The following TMEM177 variants were observed in gnomAD, a reference collection of about 807,000 sequenced individuals.
TMEM177 encodes transmembrane protein 177.
Under a neutral mutation model 14.2 loss-of-function variants are expected in TMEM177, and 4 were observed. That is an observed-to-expected ratio of 0.28 (90% CI 0.14 to 0.64). The LOEUF is 0.64. Among genes scored for constraint, TMEM177 ranks in the 30% least tolerant of loss-of-function variants. The pLI is 0.82. For missense variants in TMEM177, 344 were observed against 405.2 expected (o/e 0.85, Z 1.30); for synonymous variants, 179 against 174.5 (o/e 1.03, Z -0.20).
the TMEM177 span, among the ~76,000 whole-genome samples, chr2:119,716,370 G>A: frequency 6.6e-6 from 1 of 152,234 alleles, no homozygotes; most frequent in Admixed American, 6.5e-5. Context: ...AGCCTCTGCA[G>A]TGAAAGATTA....
the TMEM177 span, among the ~76,000 whole-genome samples, chr2:119,711,639 A>C: frequency 3.9e-5 from 6 of 152,226 alleles, no homozygotes; most frequent in African/African-American, 1.4e-4. Flanking sequence ...CCCTAACTAA[A>C]AGCCACCTTT....
Position 119,681,776 on chromosome 2 carries a change from C to T in TMEM177, c.923C>T (p.Pro308Leu), listed in dbSNP as rs141502762. ...VLQMWRGMLNPGRS is the reference protein window; with the variant it reads ...VLQMWRGMLNLGRS The stretch of plus-strand genomic sequence containing the variant: ...CAGATGTGGAGGGGGATGCTCAATC[C>T]GGGCCGCTCCTGATGGGCTCATCAC... Residue 308 changes from proline (P) to leucine (L), a missense_variant, in exon 2 of 2, where the codon CCG becomes CTG. Transcript: ENST00000272521. 198 of 1,612,852 alleles carry T rather than the reference C, an allele frequency of 1.2e-4. No individual in the cohort carries two copies. The highest frequency in any genetic ancestry group is 1.5e-4 in the African/African-American group (11 of 75,032).
At chr2:119,711,308 A>G in the TMEM177 span, among the ~76,000 whole-genome samples, 411 of 152,326 alleles carry the variant, frequency 2.7e-3, 9 homozygotes, top group Admixed American at 0.021. Context: ...AAAAAATAGA[A>G]TCATTTCATG....
chr2:119,688,276 G>A (rs1330112140), downstream of TMEM177, among the ~76,000 whole-genome samples: 1 of 152,204 alleles, frequency 6.6e-6, no homozygotes, highest in Non-Finnish European at 1.5e-5. Context: ...TAAAGTAGTT[G>A]TGTTATAGGG....
chr2:119,697,508 C>T, the TMEM177 span, among the ~76,000 whole-genome samples: 16 of 152,180 alleles, frequency 1.1e-4, no homozygotes, highest in Admixed American at 2.0e-4. Flanking sequence ...GAGATGGAGC[C>T]ACTGCACTCC....
At chr2:119,701,622 A>G in the TMEM177 span, among the ~76,000 whole-genome samples, 7 of 152,214 alleles carry the variant, frequency 4.6e-5, no homozygotes, top group African/African-American at 7.2e-5. Context: ...TAACCGCCCA[A>G]TGGGTTCACC....
chr2:119,692,455 C>A, the TMEM177 span, among the ~76,000 whole-genome samples: 3 of 152,204 alleles, frequency 2.0e-5, no homozygotes, highest in Non-Finnish European at 4.4e-5. Flanking sequence ...TGTCCCCAGG[C>A]GAACAGCAGC....
the TMEM177 span, among the ~76,000 whole-genome samples, chr2:119,713,717 C>A: frequency 6.6e-6 from 1 of 152,098 alleles, no homozygotes; most frequent in Non-Finnish European, 1.5e-5. Context: ...ACTTGTAGTC[C>A]CAGCTACTTG....
chr2:119,713,622 T>C, the TMEM177 span, among the ~76,000 whole-genome samples: 1 of 152,156 alleles, frequency 6.6e-6, no homozygotes, highest in East Asian at 1.9e-4. Context: ...GGAGGATCAC[T>C]CAAGGCCAGT....
chr2:119,719,338 TA>T, the TMEM177 span, among the ~76,000 whole-genome samples: 1 of 152,166 alleles, frequency 6.6e-6, no homozygotes, highest in African/African-American at 2.4e-5. Context: ...AAACTTTACA[TA>T]GTATGTGTTC....
chr2:119,714,560 GC>G, the TMEM177 span, among the ~76,000 whole-genome samples: 4 of 152,200 alleles, frequency 2.6e-5, no homozygotes, highest in Non-Finnish European at 5.9e-5. Flanking sequence ...GCAGAATCTG[GC>G]TGCTGGAGAT....
chr2:119,687,766 G>A (rs1689039225), downstream of TMEM177, among the ~76,000 whole-genome samples: 1 of 152,168 alleles, frequency 6.6e-6, no homozygotes, highest in Admixed American at 6.5e-5. Flanking sequence ...CAGCTAACCT[G>A]TGCCTGGATT....
the TMEM177 span, among the ~76,000 whole-genome samples, chr2:119,702,730 G>A: frequency 6.6e-6 from 1 of 152,222 alleles, no homozygotes; most frequent in Non-Finnish European, 1.5e-5. Context: ...GGGTGGTTGG[G>A]GAGTGTGATT....
chr2:119,683,191 G>A (rs118074193), downstream of TMEM177, among the ~76,000 whole-genome samples: 222 of 152,324 alleles, frequency 1.5e-3, 4 homozygotes, highest in East Asian at 0.037. Context: ...CTCACTGTGG[G>A]CTGGAGCTCA....
the TMEM177 span, among the ~76,000 whole-genome samples, chr2:119,720,687 C>A: frequency 3.3e-5 from 5 of 152,122 alleles, no homozygotes; most frequent in Non-Finnish European, 7.4e-5. Flanking sequence ...CTTGTCCCAA[C>A]CCTGAGTGAA....
chr2:119,704,589 A>G, the TMEM177 span, among the ~76,000 whole-genome samples: 17 of 152,300 alleles, frequency 1.1e-4, no homozygotes, highest in Admixed American at 4.6e-4. Flanking sequence ...CAAAAAAAAA[A>G]GAATGTGCTT....
chr2:119,721,240 C>T, the TMEM177 span, among the ~76,000 whole-genome samples: 2 of 152,186 alleles, frequency 1.3e-5, no homozygotes, highest in Non-Finnish European at 2.9e-5. Context: ...GATTGAGTTC[C>T]ACCACATGGC....
At chr2:119,720,582 AC>A in the TMEM177 span, among the ~76,000 whole-genome samples, 1 of 152,122 alleles carries the variant, frequency 6.6e-6, no homozygotes, top group Non-Finnish European at 1.5e-5. Context: ...TTCCCAGTCA[AC>A]TTTTTGCATT....
the TMEM177 span, among the ~76,000 whole-genome samples, chr2:119,704,332 T>G: frequency 6.6e-6 from 1 of 152,166 alleles, no homozygotes; most frequent in Non-Finnish European, 1.5e-5. Context: ...AGGCATGTTG[T>G]CTCACGCCTG....
Sources: gnomAD v4.1 joint callset for allele counts (sites outside exome capture counted in the v4.1 genomes callset) on GRCh38, gnomAD v4.1.1 for gene constraint, MANE v1.5 for transcripts, NCBI Gene and HGNC (gene_info 2026-07-23, HGNC 2026-07-21) for gene names.